The following FOXJ3 variants were observed in gnomAD, a reference collection of about 807,000 sequenced individuals.
The protein encoded by FOXJ3 is forkhead box protein J3.
Under a neutral mutation model 76.1 loss-of-function variants are expected in FOXJ3, and 22 were observed. That is an observed-to-expected ratio of 0.29 (90% CI 0.21 to 0.41). The LOEUF (loss-of-function observed/expected upper bound fraction) is 0.41, where lower values mean the gene tolerates loss of function less well. Among genes scored for constraint, FOXJ3 ranks in the 10% least tolerant of loss-of-function variants. The pLI, the probability that FOXJ3 is intolerant of heterozygous loss-of-function variation, is 1.00. For synonymous variants in FOXJ3, 269 were observed against 261.2 expected, an observed-to-expected ratio of 1.03 and a Z score of -0.29; for missense variants, 613 against 762.1, an observed-to-expected ratio of 0.80 and a Z score of 2.30.
chr1:42,217,395 G>A (rs1647091469), intron 5 of FOXJ3, among the ~76,000 whole-genome samples: 1 of 152,068 alleles, frequency 6.6e-6, no homozygotes. Flanking sequence ...TGGGCGTGGT[G>A]GCATGCGCCT....
At chr1:42,251,008 G>A (rs189230707) in intron 4 of FOXJ3, among the ~76,000 whole-genome samples, 7 of 151,942 alleles carry the variant, frequency 4.6e-5, no homozygotes, top group East Asian at 3.9e-4. Flanking sequence ...GAGAAAAGAT[G>A]GGGCCAAAAG....
At chr1:42,222,642 AACT>A (rs1402635957) in intron 5 of FOXJ3, among the ~76,000 whole-genome samples, 1 of 152,216 alleles carries the variant, frequency 6.6e-6, no homozygotes, top group Non-Finnish European at 1.5e-5. Flanking sequence ...AGACAAAATT[AACT>A]ACTGTGTTCC....
chr1:42,239,500 A>T (rs1648960584), intron 4 of FOXJ3, among the ~76,000 whole-genome samples: 1 of 152,142 alleles, frequency 6.6e-6, no homozygotes, highest in African/African-American at 2.4e-5. Context: ...TACTCACTTG[A>T]TGAGTTACTT....
rs988985197 is a variant in FOXJ3, at chr1:42,234,738, T to C, written c.445-6772A>G. 2.0e-5 allele frequency among the ~76,000 whole-genome samples: 3 copies of C among 152,278 alleles called. No homozygotes were observed. In the East Asian group the frequency reaches 5.8e-4, roughly 29 times the overall value. On this transcript the variant is annotated intron_variant, in intron 4 of 12. Coordinates refer to ENST00000361346, the MANE Select transcript of FOXJ3 (RefSeq NM_014947.5). Reference sequence around the variant, plus strand: ...GATATTGGCAAGCAGCAAATGTTGCTGCCTGACCGTTCCTCTGGAAGTTTT... The same window carrying C: ...GATATTGGCAAGCAGCAAATGTTGCCGCCTGACCGTTCCTCTGGAAGTTTT...
chr1:42,256,816 G>C (rs1014289836), intron 4 of FOXJ3, among the ~76,000 whole-genome samples: 1 of 152,182 alleles, frequency 6.6e-6, no homozygotes, highest in Non-Finnish European at 1.5e-5. Context: ...GAAAACACCT[G>C]AAGTGTTTGT....
chr1:42,304,039 A>T (rs768590601), intron 2 of FOXJ3, among the ~76,000 whole-genome samples: 4 of 152,156 alleles, frequency 2.6e-5, no homozygotes, highest in Non-Finnish European at 5.9e-5. Flanking sequence ...AGACTCCACT[A>T]AAAAACTACT....
At chr1:42,209,112 T>G (rs1012311236) in intron 5 of FOXJ3, among the ~76,000 whole-genome samples, 2 of 152,190 alleles carry the variant, frequency 1.3e-5, no homozygotes, top group African/African-American at 4.8e-5. Context: ...AGTGAAATTG[T>G]CTCTGCTGAC....
At chr1:42,330,832 C>A (rs767790108) in intron 1 of FOXJ3, among the ~76,000 whole-genome samples, 23 of 152,170 alleles carry the variant, frequency 1.5e-4, no homozygotes, top group Non-Finnish European at 2.8e-4. Context: ...CTAAGCAGGT[C>A]ACCTAAACTT....
chr1:42,277,330 C>T (rs1454419753), intron 3 of FOXJ3, among the ~76,000 whole-genome samples: 1 of 149,630 alleles, frequency 6.7e-6, no homozygotes, highest in East Asian at 2.0e-4. Flanking sequence ...GGCACTCGAC[C>T]TTGGGTAACA....
At chr1:42,237,611 A>G (rs1452031928) in intron 4 of FOXJ3, among the ~76,000 whole-genome samples, 1 of 151,508 alleles carries the variant, frequency 6.6e-6, no homozygotes, top group Non-Finnish European at 1.5e-5. Context: ...CCTTGTAAGG[A>G]GCAAAAAGCT....
intron 5 of FOXJ3, among the ~76,000 whole-genome samples, chr1:42,221,525 G>A (rs1569920906): frequency 6.6e-6 from 1 of 152,004 alleles, no homozygotes; most frequent in Admixed American, 6.6e-5. Context: ...GCACAATCAT[G>A]GCTCACTGCA....
At chr1:42,332,104 C>A (rs2124799551) in intron 1 of FOXJ3, among the ~76,000 whole-genome samples, 1 of 152,284 alleles carries the variant, frequency 6.6e-6, no homozygotes, top group East Asian at 1.9e-4. Flanking sequence ...GCATTTGAAA[C>A]TGTCAACACC....
chr1:42,241,616 T>C (rs1649150282), intron 4 of FOXJ3, among the ~76,000 whole-genome samples: 1 of 152,018 alleles, frequency 6.6e-6, no homozygotes, highest in Admixed American at 6.5e-5. Context: ...CACCTATGAG[T>C]GATACATGAG....
intron 3 of FOXJ3, among the ~76,000 whole-genome samples, chr1:42,267,161 A>G (rs1398335190): frequency 1.3e-5 from 2 of 152,164 alleles, no homozygotes. Flanking sequence ...GAGGGTCTGC[A>G]TAAGACTAAG....
At chr1:42,189,770 A>G (rs1646507101) in intron 9 of FOXJ3, 1 of 169,030 alleles carries the variant, frequency 5.9e-6, no homozygotes, top group African/African-American at 2.4e-5. Context: ...GTACCAATAA[A>G]TGAACAGATA....
At chr1:42,333,369 T>C (rs61775147) in intron 1 of FOXJ3, among the ~76,000 whole-genome samples, 3,968 of 151,644 alleles carry the variant, frequency 0.026, 73 homozygotes, top group Admixed American at 0.039. Context: ...CCCAAACTAA[T>C]GAACAAAAAA....
chr1:42,324,146 C>CTGTATATACACAGTGTATATATAGTG (rs151307889), intron 1 of FOXJ3, among the ~76,000 whole-genome samples: 2 of 85,718 alleles, frequency 2.3e-5, no homozygotes, highest in East Asian at 6.0e-4. Flanking sequence ...AGTATATATA[C>CTGTATATACACAGTGTATATATAGTG]TATATATACA....
In FOXJ3 at chr1:42,228,777, G is replaced by C. The variant is rs78436686; in HGVS notation, c.445-811C>G. Among the ~76,000 whole-genome samples the C allele has an allele frequency of 5.3e-5, 8 of 152,212 alleles. No individual in the cohort carries two copies. In the East Asian group the frequency reaches 1.5e-3, roughly 29 times the overall value. On this transcript the variant is annotated intron_variant, in intron 4 of 12. Transcript: ENST00000361346. ...CCTGCCTCTATACACACACACATGG[G>C]GGAGGAAAGCATGAAAGAGGGGAGT...
intron 3 of FOXJ3, among the ~76,000 whole-genome samples, chr1:42,266,014 C>T (rs1015591665): frequency 2.0e-5 from 3 of 152,142 alleles, no homozygotes; most frequent in African/African-American, 7.2e-5. Context: ...CTCCAAAACC[C>T]ATTCTCAAAT....
Sources: allele counts gnomAD v4.1 joint callset (sites outside exome capture counted in the v4.1 genomes callset), GRCh38; gene constraint gnomAD v4.1.1; transcripts MANE v1.5; gene names NCBI Gene and HGNC (gene_info 2026-07-23, HGNC 2026-07-21).